Variants in EEA1 observed in about 807,000 individuals in gnomAD.
EEA1 encodes the protein early endosome antigen 1.
A neutral mutation model predicts 209.2 loss-of-function variants in EEA1; 111 were observed. The observed-to-expected ratio is 0.53, with a 90% CI of 0.45 to 0.62. The LOEUF is 0.62. Among genes scored for constraint, EEA1 ranks in the 20% least tolerant of loss-of-function variants. EEA1 has a pLI of 0.00. For missense variants in EEA1, 1,343 were observed against 1,530.8 expected (o/e 0.88, Z 2.05); for synonymous variants, 536 against 540.6 (o/e 0.99, Z 0.12).
In EEA1 at chr12:92,861,468, T is replaced by C. The variant is rs1592743073; in HGVS notation, c.245+3392A>G. 2.0e-5 allele frequency among the ~76,000 whole-genome samples: 3 copies of C among 152,216 alleles called. No homozygotes were observed. In the South Asian group the frequency reaches 6.2e-4, roughly 32 times the overall value. The stretch of plus-strand genomic sequence containing the variant: ...AAAACTCAGTCTCAAAAAAAAATTA[T>C]TATTCTGGATGTCAGGAACATATCT... On this transcript the variant is annotated intron_variant, in intron 3 of 28. Coordinates refer to ENST00000322349, the MANE Select transcript of EEA1 (RefSeq NM_003566.4).
intron 2 of EEA1, 130 bp from the exon 3 acceptor site, chr12:92,865,117 G>T (rs988077243): frequency 3.3e-6 from 2 of 608,686 alleles, no homozygotes; most frequent in African/African-American, 1.9e-5. Flanking sequence ...TTATCTTATG[G>T]TATTAATCCC....
At chr12:92,915,600 G>C (rs541803031) in intron 1 of EEA1, among the ~76,000 whole-genome samples, 163 of 152,350 alleles carry the variant, frequency 1.1e-3, no homozygotes, top group South Asian at 9.9e-3. Context: ...ACAACGCTCT[G>C]CTATCTAATG....
chr12:92,806,902 T>C (rs1168371650), intron 18 of EEA1, among the ~76,000 whole-genome samples: 1 of 152,032 alleles, frequency 6.6e-6, no homozygotes, highest in Non-Finnish European at 1.5e-5. Context: ...AAAAAGGTGA[T>C]AAAATTCAAT....
intron 7 of EEA1, 66 bp from the exon 8 acceptor site, chr12:92,852,362 TA>T: frequency 8.9e-7 from 1 of 1,122,002 alleles, no homozygotes; most frequent in African/African-American, 1.6e-5. Flanking sequence ...TTCCATATAT[TA>T]CTCTGCATAT....
chr12:92,831,048 A>G (rs11831963), intron 11 of EEA1, among the ~76,000 whole-genome samples: 38,991 of 151,906 alleles, frequency 0.26, 5,446 homozygotes, highest in Non-Finnish European at 0.32. Context: ...CTCAAAAATT[A>G]GTATTAGCAT....
chr12:92,856,333 A>G (rs547893137), intron 5 of EEA1, among the ~76,000 whole-genome samples: 32 of 152,306 alleles, frequency 2.1e-4, no homozygotes, highest in African/African-American at 7.5e-4. Flanking sequence ...CTTAGAAAAT[A>G]CACTAAACTA....
At chr12:92,829,031 G>A (rs1178331511) in intron 11 of EEA1, among the ~76,000 whole-genome samples, 1 of 152,084 alleles carries the variant, frequency 6.6e-6, no homozygotes, top group East Asian at 1.9e-4. Flanking sequence ...ATAATCTTTG[G>A]TATGATAGAT....
intron 11 of EEA1, among the ~76,000 whole-genome samples, chr12:92,829,869 CAG>C (rs960848149): frequency 6.7e-6 from 1 of 149,638 alleles, no homozygotes; most frequent in African/African-American, 2.5e-5. Flanking sequence ...CCGAAGAGTT[CAG>C]AGTCTATTAA....
Position 92,842,570 on chromosome 12 carries a change from G to A in EEA1, c.810C>T (p.Ser270=). Residue 270 remains serine, a synonymous_variant, in exon 10 of 29, where the codon AGC becomes AGT. Coordinates refer to ENST00000322349, the MANE Select transcript of EEA1 (RefSeq NM_003566.4). ...CTTTGGCAAGTTCACTCCTTAGCTGGCTTATTGTGGCCTAACAAAACAAAA... is the reference window on the plus strand; with the variant it reads ...CTTTGGCAAGTTCACTCCTTAGCTGACTTATTGTGGCCTAACAAAACAAAA... The part of the protein sequence containing the change: ...SQYASSEATI[S]QLRSELAKGP... 1 of 1,585,758 alleles carries A rather than the reference G, an allele frequency of 6.3e-7. No individual in the cohort carries two copies. Among genetic ancestry groups the A allele is most frequent in the Non-Finnish European group, 8.6e-7 (1 of 1,163,100 alleles).
chr12:92,903,940 G>T (rs1364242244), intron 1 of EEA1, among the ~76,000 whole-genome samples: 3 of 151,112 alleles, frequency 2.0e-5, no homozygotes, highest in Non-Finnish European at 4.4e-5. Context: ...TGTTAGTGTT[G>T]TCATATTACT....
Position 92,852,254 on chromosome 12 carries a change from G to C in EEA1, c.563C>G (p.Ala188Gly). 1 of 1,599,424 alleles carries C rather than the reference G, an allele frequency of 6.3e-7. No individual in the cohort carries two copies. The highest frequency in any genetic ancestry group is 1.3e-5 in the African/African-American group (1 of 74,364). Residue 188 changes from alanine to glycine, a missense_variant, in exon 8 of 29, where the codon GCT (alanine) becomes GGT (glycine). Transcript: ENST00000322349. The part of the protein sequence containing the change: ...KYDEERSLRE[A>G]AEQKVTRLTE... ...CAGACGTGTCACTTTTTGTTCAGCA[G>C]CTTCTCGAAGACTCCTTTCTTCATC... is the stretch of plus-strand genomic sequence containing the variant.
intron 27 of EEA1, 71 bp downstream of exon 27, chr12:92,777,472 G>C: frequency 6.7e-7 from 1 of 1,482,372 alleles, no homozygotes; most frequent in Non-Finnish European, 9.1e-7. Flanking sequence ...TTTTTAAAAG[G>C]TAAAAATATG....
intron 2 of EEA1, among the ~76,000 whole-genome samples, chr12:92,890,459 G>A (rs980027356): frequency 6.6e-6 from 1 of 152,114 alleles, no homozygotes; most frequent in Non-Finnish European, 1.5e-5. Context: ...GTGACTGAGA[G>A]AAGGTTAAAA....
intron 10 of EEA1, among the ~76,000 whole-genome samples, chr12:92,840,215 G>C (rs1877107303): frequency 6.6e-6 from 1 of 151,988 alleles, no homozygotes; most frequent in South Asian, 2.1e-4. Context: ...GAATAAAAGG[G>C]TTTCATAACT....
At chr12:92,797,244 T>C (rs148638760) in intron 21 of EEA1, among the ~76,000 whole-genome samples, 3,728 of 152,150 alleles carry the variant, frequency 0.025, 171 homozygotes, top group African/African-American at 0.084. Flanking sequence ...CACACCACCA[T>C]GCCCAGCTAA....
At chr12:92,786,097 A>G (rs965010948) in intron 22 of EEA1, among the ~76,000 whole-genome samples, 3 of 152,114 alleles carry the variant, frequency 2.0e-5, no homozygotes, top group African/African-American at 4.8e-5. Flanking sequence ...CATCTCTTCT[A>G]TCATTTAAAT....
intron 14 of EEA1, among the ~76,000 whole-genome samples, chr12:92,817,748 C>A (rs1875862135): frequency 6.6e-6 from 1 of 152,122 alleles, no homozygotes; most frequent in South Asian, 2.1e-4. Context: ...TTGTTGTCTT[C>A]TTTCAAAGAA....
chr12:92,855,086 A>G (rs966149805), intron 5 of EEA1, among the ~76,000 whole-genome samples: 1 of 152,244 alleles, frequency 6.6e-6, no homozygotes, highest in Non-Finnish European at 1.5e-5. Flanking sequence ...CATTTGCATT[A>G]GTTAAAACAT....
chr12:92,784,468 A>G (rs946108140), intron 22 of EEA1, among the ~76,000 whole-genome samples: 1 of 152,208 alleles, frequency 6.6e-6, no homozygotes, highest in African/African-American at 2.4e-5. Context: ...ATCCTGATCT[A>G]ATGTTTAAAA....
Sources: gnomAD v4.1 joint callset for allele counts (sites outside exome capture counted in the v4.1 genomes callset) on GRCh38, gnomAD v4.1.1 for gene constraint, MANE v1.5 for transcripts, NCBI Gene and HGNC (gene_info 2026-07-23, HGNC 2026-07-21) for gene names.